METTL2B: variants seen among roughly 807,000 people sequenced by gnomAD.
The protein encoded by METTL2B is tRNA N(3)-cytidine methyltransferase METTL2B.
In METTL2B, 28 loss-of-function variants were observed where a neutral mutation model predicts 51.0. That is an observed-to-expected ratio of 0.55 (90% CI 0.41 to 0.75). The LOEUF (loss-of-function observed/expected upper bound fraction) is 0.75. Among genes scored for constraint, METTL2B ranks in the 30% least tolerant of loss-of-function variants. METTL2B has a pLI of 0.00. For missense variants in METTL2B, 313 were observed against 460.7 expected, an observed-to-expected ratio of 0.68 and a Z score of 2.93; for synonymous variants, 128 against 166.3, an observed-to-expected ratio of 0.77 and a Z score of 1.77.
At position 128,502,043 on chromosome 7, in the gene METTL2B, T is replaced by C; in HGVS notation, c.*127T>C. ...ACTCAGGAGGCTGAGGCAGGGAGGATCCATTGAGCCCAGGAGTCCAGCCTG... is the reference window on the plus strand; with the variant it reads ...ACTCAGGAGGCTGAGGCAGGGAGGACCCATTGAGCCCAGGAGTCCAGCCTG... On this transcript the variant is annotated 3_prime_UTR_variant, in exon 9 of 9. Transcript: ENST00000262432. The C allele has an allele frequency of 1.4e-6, 2 of 1,406,020 alleles. No homozygotes were observed. The highest frequency in any genetic ancestry group is 1.9e-6 in the Non-Finnish European group (2 of 1,038,882). 87.1% of individuals were successfully genotyped at this position (1,406,020 alleles called of 1,614,324 possible).
chr7:128,497,362 T>C (rs192877476), intron 6 of METTL2B, among the ~76,000 whole-genome samples: 1 of 152,002 alleles, frequency 6.6e-6, no homozygotes, highest in African/African-American at 2.4e-5. Context: ...GGCAGATAAG[T>C]CCCCTAGCAG....
intron 4 of METTL2B, chr7:128,482,920 T>C (rs965159748): frequency 4.6e-5 from 7 of 152,248 alleles, no homozygotes; most frequent in Non-Finnish European, 7.3e-5. Context: ...AGGTTTCATA[T>C]AATATATACT....
In METTL2B at chr7:128,494,000, C is replaced by T. The variant is rs1792881073; in HGVS notation, c.809+57C>T. On this transcript the variant is annotated intron_variant, in intron 6 of 8. Coordinates refer to ENST00000262432, the MANE Select transcript of METTL2B (RefSeq NM_018396.3). Reference sequence around the variant, plus strand: ...CAAAAAGAAAGCTTTGGTGAGGGACCTTTTTTTTTAAAATAGGGTCTTGCT... The same window carrying T: ...CAAAAAGAAAGCTTTGGTGAGGGACTTTTTTTTTTAAAATAGGGTCTTGCT... 3.9e-6 allele frequency: 6 copies of T among 1,557,828 alleles called. No homozygotes were observed. The Admixed American group carries it at 5.9e-5, about 15-fold the overall frequency.
intron 5 of METTL2B, among the ~76,000 whole-genome samples, chr7:128,491,690 T>TG (rs1345966741): frequency 7.2e-6 from 1 of 137,950 alleles, no homozygotes; most frequent in Non-Finnish European, 1.5e-5. Flanking sequence ...TGCTTGAACC[T>TG]GGGAAAGCAG....
chr7:128,493,762 T>C, intron 5 of METTL2B, 42 bp from the exon 6 acceptor site: 1 of 1,581,860 alleles, frequency 6.3e-7, no homozygotes, highest in South Asian at 1.2e-5. Context: ...TTGGGCTATG[T>C]TAATATTTTC....
chr7:128,477,666 G>A (rs1466461028), intron 2 of METTL2B, among the ~76,000 whole-genome samples: 2 of 151,852 alleles, frequency 1.3e-5, no homozygotes, highest in African/African-American at 4.8e-5. Flanking sequence ...AAAGGTGGAT[G>A]CAGCAGAGTG....
At chr7:128,499,406 G>A (rs1352076479) in intron 7 of METTL2B, among the ~76,000 whole-genome samples, 2 of 151,870 alleles carry the variant, frequency 1.3e-5, no homozygotes, top group Admixed American at 6.6e-5. Flanking sequence ...AGGCTGGAGC[G>A]CAATGGCGCG....
intron 5 of METTL2B, among the ~76,000 whole-genome samples, chr7:128,490,463 G>C (rs1279531856): frequency 1.3e-5 from 2 of 151,812 alleles, no homozygotes; most frequent in African/African-American, 2.4e-5. Flanking sequence ...GGTTCTTTGA[G>C]TTACAAGTAA....
intron 7 of METTL2B, among the ~76,000 whole-genome samples, chr7:128,500,353 G>C (rs553710631): frequency 3.2e-4 from 49 of 152,292 alleles, no homozygotes; most frequent in African/African-American, 1.1e-3. Context: ...AGGCACGGTG[G>C]CTCATGCCTT....
chr7:128,495,975 A>C (rs1370013714), intron 6 of METTL2B, among the ~76,000 whole-genome samples: 5 of 152,134 alleles, frequency 3.3e-5, no homozygotes, highest in African/African-American at 1.2e-4. Flanking sequence ...TGATTAAGTA[A>C]ATTAGTGTTA....
At chr7:128,483,147 G>T (rs895447320) in intron 4 of METTL2B, 6 of 152,154 alleles carry the variant, frequency 3.9e-5, no homozygotes, top group African/African-American at 1.4e-4. Context: ...TTCAAGTTAT[G>T]GCCATTAATC....
intron 5 of METTL2B, among the ~76,000 whole-genome samples, chr7:128,493,086 C>T (rs902582893): frequency 1.1e-4 from 17 of 152,064 alleles, no homozygotes; most frequent in African/African-American, 1.9e-4. Flanking sequence ...CTATTTTAAA[C>T]GCAACTATTA....
intron 7 of METTL2B, among the ~76,000 whole-genome samples, chr7:128,498,720 C>T (rs1486102753): frequency 2.6e-5 from 4 of 152,158 alleles, no homozygotes; most frequent in South Asian, 4.2e-4. Flanking sequence ...GAAAGACAGC[C>T]GGGCGCAGTG....
Position 128,488,082 on chromosome 7 carries a change from T to A in METTL2B, c.609-19T>A. Reference sequence around the variant, plus strand: ...CTCGATTTGTAGTCTCATTGTTTTGTCTTTTCTGCCCATTTCAGTGACCCA... The same window carrying A: ...CTCGATTTGTAGTCTCATTGTTTTGACTTTTCTGCCCATTTCAGTGACCCA... On this transcript the variant is annotated intron_variant, in intron 4 of 8. Transcript: ENST00000262432. 1 of 1,131,674 alleles carries A rather than the reference T, an allele frequency of 8.8e-7. No homozygotes were observed. The highest frequency in any genetic ancestry group is 1.3e-6 in the Non-Finnish European group (1 of 793,096). 70.1% of individuals were successfully genotyped at this position (1,131,674 alleles called of 1,614,324 possible).
chr7:128,499,345 G>T (rs1385603367), intron 7 of METTL2B, among the ~76,000 whole-genome samples: 3 of 152,046 alleles, frequency 2.0e-5, no homozygotes, highest in Non-Finnish European at 2.9e-5. Context: ...GGTAGAAAAA[G>T]AAATTGTTAC....
At position 128,482,239 on chromosome 7, in the gene METTL2B, C is replaced by T. The variant is rs376751987; in HGVS notation, c.608+1543C>T. Among the ~76,000 whole-genome samples the T allele has an allele frequency of 9.2e-4, 140 of 152,192 alleles. No individual in the cohort carries two copies. The South Asian group carries it at 0.017, about 18-fold the overall frequency. On this transcript the variant is annotated intron_variant, in intron 4 of 8. Transcript: ENST00000262432. ...CACAATCTCGACTCATTGCAACCTCCGCCTTCCGGGTTCAAGTGATTCACC... is the reference window on the plus strand; with the variant it reads ...CACAATCTCGACTCATTGCAACCTCTGCCTTCCGGGTTCAAGTGATTCACC...
intron 4 of METTL2B, chr7:128,483,053 A>G (rs908470429): frequency 2.0e-5 from 3 of 152,242 alleles, no homozygotes; most frequent in African/African-American, 7.2e-5. Flanking sequence ...GGCAAGTCCT[A>G]GTACTAACAC....
rs1793017518 is a variant in METTL2B, at chr7:128,500,946, CAG to C, written c.963_964del (p.Arg321SerfsTer81). 6.2e-7 allele frequency: 1 copy of C among 1,614,064 alleles called. No individual in the cohort carries two copies. The highest frequency in any genetic ancestry group is 2.2e-5 in the East Asian group (1 of 44,896). On this transcript the variant is annotated frameshift_variant, in exon 8 of 9. Coordinates refer to ENST00000262432, the MANE Select transcript of METTL2B (RefSeq NM_018396.3). LOFTEE classifies it high-confidence loss of function. ...ATTTCTATGTGAGAGGTGATGGAAC[CAG>C]AGTTTACTTCTTCACACAAGGTATG... ...GNFYVRGDGT[R>X]VYFFTQEELD...
At chr7:128,494,920 G>T (rs1792896829) in intron 6 of METTL2B, among the ~76,000 whole-genome samples, 1 of 144,230 alleles carries the variant, frequency 6.9e-6, no homozygotes. Flanking sequence ...CCACCACGCT[G>T]GCCTTTTTTT....
Sources: gnomAD v4.1 joint callset for allele counts (sites outside exome capture counted in the v4.1 genomes callset) on GRCh38, gnomAD v4.1.1 for gene constraint, MANE v1.5 for transcripts, NCBI Gene and HGNC (gene_info 2026-07-23, HGNC 2026-07-21) for gene names.